Variants in NRG1 observed in about 807,000 individuals in gnomAD.
NRG1 encodes pro-neuregulin-1, membrane-bound isoform.
In NRG1, 18 loss-of-function variants were observed where a neutral mutation model predicts 63.8. That is an observed-to-expected ratio of 0.28 (90% CI 0.19 to 0.42). NRG1 has a LOEUF of 0.42. Ranked by LOEUF, NRG1 falls within the 10% of genes least tolerant of loss-of-function variation. NRG1 has a pLI of 1.00. For missense variants in NRG1, 762 were observed against 814.7 expected, an observed-to-expected ratio of 0.94 and a Z score of 0.79; for synonymous variants, 302 against 301.3, an observed-to-expected ratio of 1.00 and a Z score of -0.02.
chr8:32,715,465 C>A (rs2976525), intron 5 of NRG1, among the ~76,000 whole-genome samples: 118,929 of 152,038 alleles, frequency 0.78, 48,228 homozygotes, highest in Non-Finnish European at 0.9. Flanking sequence ...CAGAAAAGGT[C>A]TCCCACTGGT....
chr8:32,385,983 GT>G (rs1341552973), intron 1 of NRG1, among the ~76,000 whole-genome samples: 2 of 152,162 alleles, frequency 1.3e-5, no homozygotes, highest in Admixed American at 6.5e-5. Flanking sequence ...TTTGAATTCT[GT>G]CTCCAAAACC....
At chr8:31,890,199 A>G (rs553518562) in intron 1 of NRG1, among the ~76,000 whole-genome samples, 33 of 152,334 alleles carry the variant, frequency 2.2e-4, no homozygotes, top group African/African-American at 7.2e-4. Flanking sequence ...GGACAAAACC[A>G]GCACTAGCTA....
At chr8:32,614,335 T>C (rs986425449) in intron 3 of NRG1, 179 bp from the exon 4 acceptor site, 20 of 493,066 alleles carry the variant, frequency 4.1e-5, no homozygotes, top group African/African-American at 2.7e-4. Flanking sequence ...AGGAGAACTA[T>C]CAATTTGGAC....
chr8:32,631,641 G>A (rs1850332500), intron 5 of NRG1, among the ~76,000 whole-genome samples: 2 of 152,128 alleles, frequency 1.3e-5, no homozygotes, highest in Admixed American at 6.6e-5. Flanking sequence ...TAGAACCTGA[G>A]TCCATGACAT....
intron 1 of NRG1, among the ~76,000 whole-genome samples, chr8:32,499,407 G>T (rs1269715848): frequency 7.2e-5 from 11 of 152,228 alleles, no homozygotes; most frequent in African/African-American, 2.4e-4. Flanking sequence ...TCAAGGCTGG[G>T]TGCGGTAGCT....
chr8:31,643,537 C>T (rs1374385469), intron 1 of NRG1, among the ~76,000 whole-genome samples: 5 of 152,274 alleles, frequency 3.3e-5, no homozygotes, highest in Non-Finnish European at 7.4e-5. Context: ...GAAAAATGGA[C>T]CTTTGGAAAC....
At chr8:32,324,747 G>A (rs1801802458) in intron 1 of NRG1, among the ~76,000 whole-genome samples, 1 of 152,136 alleles carries the variant, frequency 6.6e-6, no homozygotes, top group Admixed American at 6.6e-5. Context: ...GAGCTTCCAA[G>A]GACATTAATT....
At chr8:32,208,146 T>G (rs2132354606) in intron 1 of NRG1, among the ~76,000 whole-genome samples, 1 of 152,328 alleles carries the variant, frequency 6.6e-6, no homozygotes, top group Admixed American at 6.5e-5. Context: ...TCTAACTACA[T>G]TAGAAATATA....
intron 1 of NRG1, among the ~76,000 whole-genome samples, chr8:31,719,683 T>A (rs544270278): frequency 5.3e-5 from 8 of 152,272 alleles, no homozygotes; most frequent in African/African-American, 1.9e-4. Flanking sequence ...TTATTTTAAG[T>A]TAGTATTGAT....
At chr8:31,795,310 T>G (rs1049432060) in intron 1 of NRG1, among the ~76,000 whole-genome samples, 2 of 152,194 alleles carry the variant, frequency 1.3e-5, no homozygotes, top group Non-Finnish European at 2.9e-5. Context: ...TAGGCCAGAC[T>G]TCTACGTGTG....
intron 5 of NRG1, among the ~76,000 whole-genome samples, chr8:32,719,896 T>C (rs1740453248): frequency 6.6e-6 from 1 of 152,152 alleles, no homozygotes; most frequent in Admixed American, 6.5e-5. Context: ...AAATTCAGGT[T>C]TGATTTTTAA....
chr8:32,304,327 T>C (rs1424824910), intron 1 of NRG1, among the ~76,000 whole-genome samples: 1 of 152,226 alleles, frequency 6.6e-6, no homozygotes. Flanking sequence ...TGGATATGTA[T>C]CTGCAAAGGC....
intron 1 of NRG1, among the ~76,000 whole-genome samples, chr8:32,265,178 A>AT: frequency 6.6e-6 from 1 of 151,708 alleles, no homozygotes; most frequent in South Asian, 2.1e-4. Context: ...TACAGAAAAA[A>AT]TTTTAAATTA....
chr8:32,499,356 T>A (rs1827587943), intron 1 of NRG1, among the ~76,000 whole-genome samples: 1 of 152,104 alleles, frequency 6.6e-6, no homozygotes, highest in South Asian at 2.1e-4. Flanking sequence ...AGTTTTTGAG[T>A]CCAGAAGGCA....
chr8:32,379,845 G>A (rs1383886491), intron 1 of NRG1, among the ~76,000 whole-genome samples: 1 of 152,190 alleles, frequency 6.6e-6, no homozygotes, highest in East Asian at 1.9e-4. Context: ...ACAAGTTTCT[G>A]TATTTTCAAG....
chr8:32,250,838 C>T (rs1849023391), intron 1 of NRG1, among the ~76,000 whole-genome samples: 1 of 151,726 alleles, frequency 6.6e-6, no homozygotes, highest in Non-Finnish European at 1.5e-5. Context: ...CAGAGATAGT[C>T]TGTAATGAAA....
At chr8:32,312,120 T>G (rs544174404) in intron 1 of NRG1, among the ~76,000 whole-genome samples, 1 of 150,496 alleles carries the variant, frequency 6.6e-6, no homozygotes, top group Non-Finnish European at 1.5e-5. Flanking sequence ...TAGAACACGA[T>G]GAAGTGGAGC....
At chr8:32,268,273 T>C (rs1045932870) in intron 1 of NRG1, among the ~76,000 whole-genome samples, 17 of 152,198 alleles carry the variant, frequency 1.1e-4, no homozygotes, top group African/African-American at 4.1e-4. Flanking sequence ...GAAACAAGCA[T>C]AACTGAGTCA....
chr8:31,782,708 A>G (rs1164152523), intron 1 of NRG1, among the ~76,000 whole-genome samples: 2 of 152,196 alleles, frequency 1.3e-5, no homozygotes, highest in African/African-American at 4.8e-5. Flanking sequence ...ACAACTATCC[A>G]TGAACCCAAC....
Sources: allele counts gnomAD v4.1 joint callset (sites outside exome capture counted in the v4.1 genomes callset), GRCh38; gene constraint gnomAD v4.1.1; transcripts MANE v1.5; gene names NCBI Gene and HGNC (gene_info 2026-07-23, HGNC 2026-07-21).